TAF3: variants seen among roughly 807,000 people sequenced by gnomAD.
TAF3 encodes TATA-box binding protein associated factor 3.
In TAF3, 7 loss-of-function variants were observed where a neutral mutation model predicts 80.6. The observed-to-expected ratio is 0.09, with a 90% CI of 0.05 to 0.16. The LOEUF (loss-of-function observed/expected upper bound fraction) is 0.16, where lower values mean the gene tolerates loss of function less well. Ranked by LOEUF, TAF3 falls within the 10% of genes least tolerant of loss-of-function variation. TAF3 has a pLI of 1.00. For missense variants in TAF3, 921 were observed against 1,140.2 expected (o/e 0.81, Z 2.77); for synonymous variants, 444 against 446.1 (o/e 1.00, Z 0.06).
intron 3 of TAF3, among the ~76,000 whole-genome samples, chr10:7,976,722 G>A (rs749048545): frequency 3.1e-4 from 47 of 151,976 alleles, no homozygotes; most frequent in Non-Finnish European, 5.0e-4. Context: ...TTCTTTTACA[G>A]CATTTCAGAT....
chr10:7,868,292 G>A (rs1349580353), intron 2 of TAF3, among the ~76,000 whole-genome samples: 2 of 152,204 alleles, frequency 1.3e-5, no homozygotes, highest in East Asian at 3.8e-4. Flanking sequence ...AGGAGTGGAG[G>A]CAGTGTGACA....
intron 2 of TAF3, among the ~76,000 whole-genome samples, chr10:7,913,477 G>A (rs187426660): frequency 5.8e-4 from 89 of 152,292 alleles, no homozygotes; most frequent in African/African-American, 2.0e-3. Flanking sequence ...GCTTGATCCT[G>A]CTTTTAGAAG....
At chr10:7,918,537 C>T (rs10905248) in intron 2 of TAF3, among the ~76,000 whole-genome samples, 53,715 of 151,780 alleles carry the variant, frequency 0.35, 10,653 homozygotes, top group Admixed American at 0.48. Context: ...GGGAGCATGA[C>T]GGGAATGTGG....
chr10:7,830,915 A>G (rs1205124388), intron 2 of TAF3, among the ~76,000 whole-genome samples: 1 of 152,176 alleles, frequency 6.6e-6, no homozygotes, highest in Non-Finnish European at 1.5e-5. Flanking sequence ...TGCACTCATA[A>G]TGCAGCTCAA....
At position 7,965,444 on chromosome 10, in the gene TAF3, A is replaced by G. The variant is rs748704346; in HGVS notation, c.1934A>G (p.Asp645Gly). The G allele has an allele frequency of 1.6e-5, 26 of 1,613,508 alleles. No homozygotes were observed. Among genetic ancestry groups the G allele is most frequent in the Non-Finnish European group, 1.9e-5 (23 of 1,179,932 alleles). ...KEKVKDKGRE[D>G]KMKAPAPPLV... ...AAAGTGAAAGATAAAGGCAGAGAAG[A>G]TAAGATGAAAGCCCCAGCACCCCCA... Residue 645 changes from aspartate to glycine, a missense_variant, in exon 3 of 7, where the codon GAT (aspartate) becomes GGT (glycine). By Grantham distance (94) the Asp-to-Gly change is moderately conservative. Transcript: ENST00000344293.
At chr10:7,938,307 T>C (rs1246264133) in intron 2 of TAF3, among the ~76,000 whole-genome samples, 3 of 152,082 alleles carry the variant, frequency 2.0e-5, no homozygotes, top group African/African-American at 7.2e-5. Flanking sequence ...TGGGCCCCAC[T>C]GCGCAGGAGG....
chr10:8,010,314 G>C (rs982359019), intron 5 of TAF3, among the ~76,000 whole-genome samples: 2 of 152,172 alleles, frequency 1.3e-5, no homozygotes, highest in Non-Finnish European at 2.9e-5. Flanking sequence ...ATCAAAGCTT[G>C]TTTTTATATT....
chr10:7,826,642 A>T (rs1431165101), intron 2 of TAF3, among the ~76,000 whole-genome samples: 1 of 152,210 alleles, frequency 6.6e-6, no homozygotes, highest in Admixed American at 6.5e-5. Context: ...TTTTTATCTA[A>T]CACATGTGGA....
Position 7,892,875 on chromosome 10 carries a change from T to G in TAF3, c.409+68315T>G, listed in dbSNP as rs190305832. On this transcript the variant is annotated intron_variant, in intron 2 of 6. Transcript: ENST00000344293. The stretch of plus-strand genomic sequence containing the variant: ...TCTTGTAGCCCAGGCTGGAGTGCAA[T>G]GGCGTGTGATCTTGGCTCACTGCAA... Among the ~76,000 whole-genome samples the G allele has an allele frequency of 3.7e-3, 557 of 150,948 alleles. 2 individuals are homozygous for G. Among genetic ancestry groups the G allele is most frequent in the African/African-American group, 0.012 (502 of 41,168 alleles).
At chr10:7,977,123 G>C (rs1831680977) in intron 3 of TAF3, 118 bp from the exon 4 acceptor site, 1 of 859,814 alleles carries the variant, frequency 1.2e-6, no homozygotes, top group African/African-American at 1.7e-5. Context: ...CTAAATTTTA[G>C]CCATATTTAA....
Position 7,897,167 on chromosome 10 carries a change from G to A in TAF3, c.410-66753G>A, listed in dbSNP as rs181496660. Among the ~76,000 whole-genome samples the A allele has an allele frequency of 3.3e-5, 5 of 152,276 alleles. No individual in the cohort carries two copies. In the South Asian group the frequency reaches 6.2e-4, roughly 19 times the overall value. ...AGATCAGGCCCGCTTGGCAAGTCTC[G>A]CTTGTGCATCATCATCCTGGGAGCA... On this transcript the variant is annotated intron_variant, in intron 2 of 6. Coordinates refer to ENST00000344293, the MANE Select transcript of TAF3 (RefSeq NM_031923.4).
intron 2 of TAF3, among the ~76,000 whole-genome samples, chr10:7,913,521 A>G (rs2131181403): frequency 6.6e-6 from 1 of 152,320 alleles, no homozygotes; most frequent in East Asian, 1.9e-4. Flanking sequence ...ACAGTATTTT[A>G]AGATTAATTT....
intron 5 of TAF3, 128 bp from the exon 6 acceptor site, chr10:8,013,600 TCTA>T (rs1043089425): frequency 3.2e-6 from 2 of 618,148 alleles, no homozygotes; most frequent in African/African-American, 1.8e-5. Flanking sequence ...GAAGTGCTGA[TCTA>T]CTATATTTTT....
At chr10:7,854,955 T>G (rs982564050) in intron 2 of TAF3, among the ~76,000 whole-genome samples, 14 of 152,324 alleles carry the variant, frequency 9.2e-5, no homozygotes, top group African/African-American at 3.4e-4. Flanking sequence ...ATCTATGTAT[T>G]CACCTAAGCT....
chr10:7,954,740 G>A (rs189013052), intron 2 of TAF3, among the ~76,000 whole-genome samples: 1,480 of 108,654 alleles, frequency 0.014, 91 homozygotes, highest in African/African-American at 0.046. Context: ...TGAATGAGTG[G>A]ATTAGTCCTA....
intron 2 of TAF3, among the ~76,000 whole-genome samples, chr10:7,932,006 A>G (rs1317991523): frequency 1.3e-5 from 2 of 152,214 alleles, no homozygotes; most frequent in African/African-American, 4.8e-5. Context: ...AATTACTTTT[A>G]TTCAAGCAAA....
intron 4 of TAF3, among the ~76,000 whole-genome samples, chr10:7,992,574 A>C (rs1321199423): frequency 6.6e-6 from 1 of 152,144 alleles, no homozygotes; most frequent in Non-Finnish European, 1.5e-5. Context: ...AGAGTGAGTA[A>C]AATTTAGAAA....
chr10:7,956,272 G>A (rs1207392454), intron 2 of TAF3, among the ~76,000 whole-genome samples: 3 of 152,064 alleles, frequency 2.0e-5, no homozygotes, highest in Admixed American at 6.6e-5. Flanking sequence ...GGCAGATCAC[G>A]AGGTCAGGAG....
chr10:7,947,217 G>C (rs1838033437), intron 2 of TAF3, among the ~76,000 whole-genome samples: 1 of 152,178 alleles, frequency 6.6e-6, no homozygotes, highest in African/African-American at 2.4e-5. Flanking sequence ...TCCTGCCCTT[G>C]GTTCTCTGCT....
Sources: gnomAD v4.1 joint callset for allele counts (sites outside exome capture counted in the v4.1 genomes callset) on GRCh38, gnomAD v4.1.1 for gene constraint, MANE v1.5 for transcripts, NCBI Gene and HGNC (gene_info 2026-07-23, HGNC 2026-07-21) for gene names.